Variants in GABRB1 observed in about 807,000 individuals in gnomAD.
GABRB1 encodes the protein gamma-aminobutyric acid type A receptor subunit beta1, also known as gamma-aminobutyric acid receptor subunit beta-1.
Under a neutral mutation model 51.6 loss-of-function variants are expected in GABRB1, and 17 were observed. The observed-to-expected ratio is 0.33, with a 90% CI of 0.23 to 0.49. The LOEUF is 0.49. Among genes scored for constraint, GABRB1 ranks in the 20% least tolerant of loss-of-function variants. The pLI is 0.99. For synonymous variants in GABRB1, 247 were observed against 218.9 expected, an observed-to-expected ratio of 1.13 and a Z score of -1.14; for missense variants, 410 against 600.6, an observed-to-expected ratio of 0.68 and a Z score of 3.32.
intron 5 of GABRB1, among the ~76,000 whole-genome samples, chr4:47,401,748 A>G (rs1275898486): frequency 6.6e-6 from 1 of 152,228 alleles, no homozygotes; most frequent in Non-Finnish European, 1.5e-5. Context: ...GGAGTTTTGT[A>G]TTCTAAAATC....
At chr4:47,139,172 G>A (rs889363216) in intron 3 of GABRB1, among the ~76,000 whole-genome samples, 2 of 151,892 alleles carry the variant, frequency 1.3e-5, no homozygotes, top group African/African-American at 4.8e-5. Context: ...CCTTCATGCA[G>A]ACCTAGGTGT....
At chr4:47,327,753 C>T (rs1393184118) in intron 5 of GABRB1, among the ~76,000 whole-genome samples, 9 of 152,146 alleles carry the variant, frequency 5.9e-5, no homozygotes. Flanking sequence ...AACATGTACA[C>T]AGAATGTAAA....
chr4:47,246,382 A>ATATATATATATATATATATATATG (rs1721760168), intron 4 of GABRB1, among the ~76,000 whole-genome samples: 1 of 51,836 alleles, frequency 1.9e-5, no homozygotes, highest in African/African-American at 9.8e-5. Context: ...ATATATATAT[A>ATATATATATATATATATATATATG]TATATATATA....
At chr4:47,153,274 C>T (rs1382225009) in intron 3 of GABRB1, among the ~76,000 whole-genome samples, 2 of 151,964 alleles carry the variant, frequency 1.3e-5, no homozygotes, top group African/African-American at 4.8e-5. Context: ...TTCTAACAAG[C>T]TAAAATATTT....
intron 3 of GABRB1, among the ~76,000 whole-genome samples, chr4:47,156,411 T>C (rs931563369): frequency 3.9e-5 from 6 of 152,102 alleles, no homozygotes; most frequent in Admixed American, 3.3e-4. Context: ...TGGGGGCCTG[T>C]GCTGTGCATT....
chr4:47,205,946 T>C (rs1302439885), intron 4 of GABRB1, among the ~76,000 whole-genome samples: 1 of 152,052 alleles, frequency 6.6e-6, no homozygotes, highest in Non-Finnish European at 1.5e-5. Flanking sequence ...AAAAGACTAG[T>C]ACAAAATATA....
rs140923019 is a variant in GABRB1, at chr4:47,312,152, A to C, written c.462-7975A>C. Among the ~76,000 whole-genome samples the C allele has an allele frequency of 1.3e-3, 195 of 152,126 alleles. 2 individuals carry two copies. Among genetic ancestry groups the C allele is most frequent in the African/African-American group, 4.5e-3 (187 of 41,520 alleles). On this transcript the variant is annotated intron_variant, in intron 4 of 8. Transcript: ENST00000295454. ...AAATGTATTATGATTGCACCGCAAA[A>C]ATTTTAAAATTAAATATCAATATGA... is the stretch of plus-strand genomic sequence containing the variant.
At chr4:47,055,070 G>A (rs1726530727) in intron 3 of GABRB1, among the ~76,000 whole-genome samples, 1 of 152,166 alleles carries the variant, frequency 6.6e-6, no homozygotes, top group South Asian at 2.1e-4. Context: ...TGGAGGTAGG[G>A]TAAGTAAGAT....
chr4:47,347,936 T>C (rs1306240642), intron 5 of GABRB1, among the ~76,000 whole-genome samples: 1 of 152,164 alleles, frequency 6.6e-6, no homozygotes, highest in Non-Finnish European at 1.5e-5. Flanking sequence ...AGAAATCATA[T>C]CAGTTATAAA....
At chr4:47,247,429 A>C (rs1019302279) in intron 4 of GABRB1, among the ~76,000 whole-genome samples, 2 of 152,134 alleles carry the variant, frequency 1.3e-5, no homozygotes, top group African/African-American at 4.8e-5. Context: ...ATAGCCTTAC[A>C]GTATAGTTTG....
intron 5 of GABRB1, among the ~76,000 whole-genome samples, chr4:47,382,355 C>T (rs1330785840): frequency 1.3e-5 from 2 of 152,118 alleles, no homozygotes; most frequent in Non-Finnish European, 2.9e-5. Context: ...TAGACATTGC[C>T]AAATGTCTCT....
chr4:47,007,435 C>T (rs1724441601), intron 1 of GABRB1, among the ~76,000 whole-genome samples: 1 of 152,114 alleles, frequency 6.6e-6, no homozygotes, highest in Non-Finnish European at 1.5e-5. Flanking sequence ...ATACGCTTCT[C>T]AGTAACTAAA....
intron 1 of GABRB1, among the ~76,000 whole-genome samples, chr4:47,013,726 C>T (rs1025514507): frequency 6.6e-6 from 1 of 151,932 alleles, no homozygotes; most frequent in East Asian, 1.9e-4. Context: ...TTTGTTAATC[C>T]TAGATTCTAT....
chr4:47,167,023 T>A (rs1718220693), intron 4 of GABRB1, among the ~76,000 whole-genome samples: 2 of 152,172 alleles, frequency 1.3e-5, no homozygotes, highest in South Asian at 4.1e-4. Context: ...TCCACTGATG[T>A]ACAGGATTGT....
At chr4:47,395,955 A>G (rs1728166441) in intron 5 of GABRB1, among the ~76,000 whole-genome samples, 3 of 152,136 alleles carry the variant, frequency 2.0e-5, no homozygotes, top group African/African-American at 2.4e-5. Flanking sequence ...TTAATATTAT[A>G]TATAAGAAAT....
chr4:47,333,535 C>T (rs549969750), intron 5 of GABRB1, among the ~76,000 whole-genome samples: 13 of 151,828 alleles, frequency 8.6e-5, no homozygotes, highest in Non-Finnish European at 1.3e-4. Flanking sequence ...GCCAACCTGG[C>T]GAAACCCCAT....
At chr4:47,245,634 C>G (rs1049705928) in intron 4 of GABRB1, among the ~76,000 whole-genome samples, 2 of 152,014 alleles carry the variant, frequency 1.3e-5, no homozygotes, top group African/African-American at 2.4e-5. Context: ...TAGGAAGCTA[C>G]AGTGTGCTTG....
intron 4 of GABRB1, among the ~76,000 whole-genome samples, chr4:47,249,930 T>A (rs1056784663): frequency 1.2e-4 from 19 of 152,190 alleles, no homozygotes; most frequent in African/African-American, 3.6e-4. Flanking sequence ...TTACATTCAA[T>A]GTTAGTATTG....
At chr4:47,184,966 G>A (rs79117400) in intron 4 of GABRB1, among the ~76,000 whole-genome samples, 20,313 of 151,680 alleles carry the variant, frequency 0.13, 1,824 homozygotes, top group East Asian at 0.32. Flanking sequence ...GCTATACCAT[G>A]GTTATGTGTT....
Sources: allele counts gnomAD v4.1 joint callset (sites outside exome capture counted in the v4.1 genomes callset), GRCh38; gene constraint gnomAD v4.1.1; transcripts MANE v1.5; gene names NCBI Gene and HGNC (gene_info 2026-07-23, HGNC 2026-07-21).